The following CDPF1 variants were observed in gnomAD, a reference collection of about 807,000 sequenced individuals.
The protein encoded by CDPF1 is cysteine-rich DPF motif domain-containing protein 1.
Under a neutral mutation model 8.3 loss-of-function variants are expected in CDPF1, and 8 were observed. That is an observed-to-expected ratio of 0.96 (90% CI 0.57 to 1.74). The LOEUF is 1.74. Among genes scored for constraint, CDPF1 ranks in the 40% most tolerant of loss-of-function variants. The pLI, the probability that CDPF1 is intolerant of heterozygous loss-of-function variation, is 0.00. For missense variants in CDPF1, 151 were observed against 155.3 expected (o/e 0.97, Z 0.15); for synonymous variants, 62 against 62.9 (o/e 0.99, Z 0.07).
Position 46,246,557 on chromosome 22 carries a change from G to A in CDPF1, c.225+553C>T. The A allele has an allele frequency of 1.5e-6, 2 of 1,295,534 alleles. No homozygotes were observed. Among genetic ancestry groups the A allele is most frequent in the South Asian group, 1.5e-5 (1 of 67,516 alleles). 80.3% of individuals were successfully genotyped at this position (1,295,534 alleles called of 1,614,324 possible). ...CTGGGCACGCTGTGAAAGCCATGCT[G>A]CTCCACTTCCATCCGTCCTTGGGTT... On this transcript the variant is annotated intron_variant, in intron 3 of 3. Transcript: ENST00000314567. This position sits in a 1 kb window ranked among gnomAD's most constrained non-coding sequence, Gnocchi z 7.1.
rs1278572272 is a variant in CDPF1, at chr22:46,249,505, C to T, written c.-1+751G>A. Among the ~76,000 whole-genome samples, 5 of 152,046 alleles carry T rather than the reference C, an allele frequency of 3.3e-5. No homozygotes were observed. Among genetic ancestry groups the T allele is most frequent in the Non-Finnish European group, 4.4e-5 (3 of 68,014 alleles). ...CTCTACTAAAAGTACAAAAATTAGC[C>T]GAGCATAGTGGCGGGTGCCTGTAAT... On this transcript the variant is annotated intron_variant, in intron 1 of 3. Transcript: ENST00000314567. This position sits in a 1 kb window ranked among gnomAD's most constrained non-coding sequence, Gnocchi z 4.6.
rs1440410140 is a variant in CDPF1 at position 46,244,611 on chromosome 22, C to A, written c.*481G>T. ...CACATAAGGATATGAAATAAAAATT[C>A]TATCCCCCTCTAGACCTTCCAGACT... On this transcript the variant is annotated 3_prime_UTR_variant, in exon 4 of 4. Coordinates refer to ENST00000314567, the MANE Select transcript of CDPF1 (RefSeq NM_207327.5). The surrounding 1 kb of genome is among the most constrained non-coding windows in gnomAD (Gnocchi z 6.7). 6.4e-6 allele frequency: 1 copy of A among 155,586 alleles called. No homozygotes were observed. Among genetic ancestry groups the A allele is most frequent in the Admixed American group, 6.3e-5 (1 of 15,910 alleles). The allele number at this position is 155,586 out of a possible 1,614,324, so 9.6% of individuals were successfully genotyped here.
Position 46,249,833 on chromosome 22 carries a change from C to A in CDPF1, c.-1+423G>T, listed in dbSNP as rs1936550132. ...TCGCGCCACTGCATTCCAGCCTGGGCGACAGAGCGAGACTCTGTCTCAAAA... is the reference window on the plus strand; with the variant it reads ...TCGCGCCACTGCATTCCAGCCTGGGAGACAGAGCGAGACTCTGTCTCAAAA... On this transcript the variant is annotated intron_variant, in intron 1 of 3. Transcript: ENST00000314567. This position sits in a 1 kb window ranked among gnomAD's most constrained non-coding sequence, Gnocchi z 4.6. Among the ~76,000 whole-genome samples, 1 of 152,058 alleles carries A rather than the reference C, an allele frequency of 6.6e-6. No individual in the cohort carries two copies. The highest frequency in any genetic ancestry group is 2.1e-4 in the South Asian group (1 of 4,828).
At chr22:46,250,035 C>T (rs1319157406) in intron 1 of CDPF1, among the ~76,000 whole-genome samples, 1 of 152,222 alleles carries the variant, frequency 6.6e-6, no homozygotes, top group Non-Finnish European at 1.5e-5. Flanking sequence ...TCTCTCGCCC[C>T]AGCGCTGCCC....
In CDPF1 at chr22:46,245,433, C is replaced by T. The variant is rs1936474427; in HGVS notation, c.226-195G>A. On this transcript the variant is annotated intron_variant, in intron 3 of 3. Transcript: ENST00000314567. The surrounding 1 kb of genome is among the most constrained non-coding windows in gnomAD (Gnocchi z 6.9). The stretch of plus-strand genomic sequence containing the variant: ...CCTGGCAGGGTGTCCAGGAGAAAAG[C>T]AATGCAGGCCTGGGCTACCCTGGGT... 6.6e-6 allele frequency among the ~76,000 whole-genome samples: 1 copy of T among 152,028 alleles called. No homozygotes were observed. The highest frequency in any genetic ancestry group is 1.5e-5 in the Non-Finnish European group (1 of 67,978).
rs982909507 is a variant in CDPF1 at position 46,249,657 on chromosome 22, A to T, written c.-1+599T>A. Among the ~76,000 whole-genome samples the T allele has an allele frequency of 2.2e-4, 34 of 152,104 alleles. No homozygotes were observed. The highest frequency in any genetic ancestry group is 6.7e-4 in the African/African-American group (28 of 41,506). ...GGGCGAGACTCCTTCTCAAAAAAAT[A>T]AAAATTAAAATTAAATAAAATAAAA... On this transcript the variant is annotated intron_variant, in intron 1 of 3. Transcript: ENST00000314567. This position sits in a 1 kb window ranked among gnomAD's most constrained non-coding sequence, Gnocchi z 4.6.
rs1294618178 is a variant in CDPF1, at chr22:46,249,207, G to A, written c.1-923C>T. ...CTTCTTTGACTATGGAATCAAGTAC[G>A]ACATTATCAGCTGGCCCCTAGCTCT... On this transcript the variant is annotated intron_variant, in intron 1 of 3. Coordinates refer to ENST00000314567, the MANE Select transcript of CDPF1 (RefSeq NM_207327.5). The surrounding 1 kb of genome is among the most constrained non-coding windows in gnomAD (Gnocchi z 4.6). Among the ~76,000 whole-genome samples, 4 of 152,068 alleles carry A rather than the reference G, an allele frequency of 2.6e-5. No homozygotes were observed. The South Asian group carries it at 6.2e-4, about 24-fold the overall frequency.
Position 46,246,287 on chromosome 22 carries a change from A to G in CDPF1, c.225+823T>C, listed in dbSNP as rs1936489134. Among the ~76,000 whole-genome samples, 1 of 151,588 alleles carries G rather than the reference A, an allele frequency of 6.6e-6. No individual in the cohort carries two copies. The highest frequency in any genetic ancestry group is 6.6e-5 in the Admixed American group (1 of 15,224). On this transcript the variant is annotated intron_variant, in intron 3 of 3. Transcript: ENST00000314567. The surrounding 1 kb of genome is among the most constrained non-coding windows in gnomAD (Gnocchi z 7.1). ...GCTCACGAAGAGCAGCCCAAGGCCA[A>G]GGTGTTGCATTCAAGACCTCCACCT...
Position 46,245,953 on chromosome 22 carries a change from CCA to C in CDPF1, c.226-717_226-716del, listed in dbSNP as rs1294192271. The stretch of plus-strand genomic sequence containing the variant: ...AAATATGATGGTGGGAGCTCCACAG[CCA>C]CAAGGGACCCAAATAGAGACTCTGC... On this transcript the variant is annotated intron_variant, in intron 3 of 3. Coordinates refer to ENST00000314567, the MANE Select transcript of CDPF1 (RefSeq NM_207327.5). This position sits in a 1 kb window ranked among gnomAD's most constrained non-coding sequence, Gnocchi z 6.9. Among the ~76,000 whole-genome samples, 1 of 152,186 alleles carries C rather than the reference CCA, an allele frequency of 6.6e-6. No individual in the cohort carries two copies. The highest frequency in any genetic ancestry group is 2.4e-5 in the African/African-American group (1 of 41,432).
At position 46,246,863 on chromosome 22, in the gene CDPF1, G is replaced by A; in HGVS notation, c.225+247C>T. On this transcript the variant is annotated intron_variant, in intron 3 of 3. Coordinates refer to ENST00000314567, the MANE Select transcript of CDPF1 (RefSeq NM_207327.5). This position sits in a 1 kb window ranked among gnomAD's most constrained non-coding sequence, Gnocchi z 7.1. ...CTGTCTGCACTGTTGGTGGGAAGGG[G>A]AGGAACCCTGAGGGGCCACTGGGGT... 6.5e-7 allele frequency: 1 copy of A among 1,532,726 alleles called. No individual in the cohort carries two copies. The highest frequency in any genetic ancestry group is 8.8e-7 in the Non-Finnish European group (1 of 1,137,342). 94.9% of individuals were successfully genotyped at this position (1,532,726 alleles called of 1,614,324 possible).
At position 46,246,812 on chromosome 22, in the gene CDPF1, C is replaced by A; in HGVS notation, c.225+298G>T. On this transcript the variant is annotated intron_variant, in intron 3 of 3. Coordinates refer to ENST00000314567, the MANE Select transcript of CDPF1 (RefSeq NM_207327.5). This position sits in a 1 kb window ranked among gnomAD's most constrained non-coding sequence, Gnocchi z 7.1. ...CAAGAACATCTAGAAAGTAAGTCAC[C>A]ATCCTGGTGAGAGGGCGCACAAGGA... 6.4e-7 allele frequency: 1 copy of A among 1,574,764 alleles called. No individual in the cohort carries two copies. The highest frequency in any genetic ancestry group is 2.3e-5 in the East Asian group (1 of 43,032).
chr22:46,246,766 C>A lies in CDPF1; in HGVS notation c.225+344G>T. ...CAACAAGTGCTCATGAAAGGACAGTCCCTTCTCCTGGAGATCCCTCCAAGA... is the reference window on the plus strand; with the variant it reads ...CAACAAGTGCTCATGAAAGGACAGTACCTTCTCCTGGAGATCCCTCCAAGA... On this transcript the variant is annotated intron_variant, in intron 3 of 3. Coordinates refer to ENST00000314567, the MANE Select transcript of CDPF1 (RefSeq NM_207327.5). The surrounding 1 kb of genome is among the most constrained non-coding windows in gnomAD (Gnocchi z 7.1). 6.2e-7 allele frequency: 1 copy of A among 1,601,186 alleles called. No homozygotes were observed. Among genetic ancestry groups the A allele is most frequent in the South Asian group, 1.1e-5 (1 of 88,612 alleles).
At position 46,246,706 on chromosome 22, in the gene CDPF1, C is replaced by A. The variant is rs562687702; in HGVS notation, c.225+404G>T. The A allele has an allele frequency of 1.2e-4, 194 of 1,595,252 alleles. 3 individuals carry two copies. In the South Asian group the frequency reaches 2.0e-3, roughly 16 times the overall value. ...GGGGCAGGACTGAATGAAGCCTCAG[C>A]AGTAAAACAGGTCCCAAGCACAGGA... On this transcript the variant is annotated intron_variant, in intron 3 of 3. Coordinates refer to ENST00000314567, the MANE Select transcript of CDPF1 (RefSeq NM_207327.5). This position sits in a 1 kb window ranked among gnomAD's most constrained non-coding sequence, Gnocchi z 7.1.
At position 46,245,627 on chromosome 22, in the gene CDPF1, G is replaced by A. The variant is rs1172500260; in HGVS notation, c.226-389C>T. The stretch of plus-strand genomic sequence containing the variant: ...GGCCACCTGGTGCTGGGAGCGGCAG[G>A]GGACAGGAAGGACAGCCCCACAGAC... On this transcript the variant is annotated intron_variant, in intron 3 of 3. Coordinates refer to ENST00000314567, the MANE Select transcript of CDPF1 (RefSeq NM_207327.5). This position sits in a 1 kb window ranked among gnomAD's most constrained non-coding sequence, Gnocchi z 6.9. Among the ~76,000 whole-genome samples the A allele has an allele frequency of 2.6e-5, 4 of 152,226 alleles. No homozygotes were observed. Among genetic ancestry groups the A allele is most frequent in the Admixed American group, 6.5e-5 (1 of 15,294 alleles).
Position 46,248,335 on chromosome 22 carries a change from T to C in CDPF1, c.1-51A>G. 8.4e-7 allele frequency: 1 copy of C among 1,194,820 alleles called. No homozygotes were observed. Among genetic ancestry groups the C allele is most frequent in the Non-Finnish European group, 1.2e-6 (1 of 812,174 alleles). 74.0% of individuals were successfully genotyped at this position (1,194,820 alleles called of 1,614,324 possible). A position where few individuals can be genotyped will look rare whatever the true frequency, so the allele number is the denominator to read the frequency against. On this transcript the variant is annotated intron_variant, in intron 1 of 3. Coordinates refer to ENST00000314567, the MANE Select transcript of CDPF1 (RefSeq NM_207327.5). This position sits in a 1 kb window ranked among gnomAD's most constrained non-coding sequence, Gnocchi z 4.1. ...CCTGGGTCACAGGCTTTCTCAGGAATCCTGCCCCTTTCCCAGCTATGAAGA... is the reference window on the plus strand; with the variant it reads ...CCTGGGTCACAGGCTTTCTCAGGAACCCTGCCCCTTTCCCAGCTATGAAGA...
At position 46,247,022 on chromosome 22, in the gene CDPF1, T is replaced by C; in HGVS notation, c.225+88A>G. 7.7e-7 allele frequency: 1 copy of C among 1,301,862 alleles called. No individual in the cohort carries two copies. Among genetic ancestry groups the C allele is most frequent in the Non-Finnish European group, 1.1e-6 (1 of 923,686 alleles). The allele number at this position is 1,301,862 out of a possible 1,614,324, so 80.6% of individuals were successfully genotyped here. On this transcript the variant is annotated intron_variant, in intron 3 of 3. Coordinates refer to ENST00000314567, the MANE Select transcript of CDPF1 (RefSeq NM_207327.5). The surrounding 1 kb of genome is among the most constrained non-coding windows in gnomAD (Gnocchi z 4.3). ...ATCTATAATGGGGTGAACCCGCTGC[T>C]CCCTCTCTCCCAGCCCTCCCTACCC...
chr22:46,246,891 G>C lies in CDPF1; in HGVS notation c.225+219C>G. On this transcript the variant is annotated intron_variant, in intron 3 of 3. Coordinates refer to ENST00000314567, the MANE Select transcript of CDPF1 (RefSeq NM_207327.5). This position sits in a 1 kb window ranked among gnomAD's most constrained non-coding sequence, Gnocchi z 7.1. ...GAACCCTGAGGGGCCACTGGGGTGGGTGCAGAGCCACCAATTACCTATTTC... is the reference window on the plus strand; with the variant it reads ...GAACCCTGAGGGGCCACTGGGGTGGCTGCAGAGCCACCAATTACCTATTTC... The C allele has an allele frequency of 6.7e-7, 1 of 1,487,692 alleles. No individual in the cohort carries two copies. The highest frequency in any genetic ancestry group is 9.0e-7 in the Non-Finnish European group (1 of 1,106,666). The allele number at this position is 1,487,692 out of a possible 1,614,324, so 92.2% of individuals were successfully genotyped here. A position where few individuals can be genotyped will look rare whatever the true frequency, so the allele number is the denominator to read the frequency against.
chr22:46,248,241 C>T lies in CDPF1; in HGVS notation c.44G>A (p.Cys15Tyr). Residue 15 changes from cysteine to tyrosine, a missense_variant, in exon 2 of 4, where the codon TGT becomes TAT. By Grantham distance (194) the Cys-to-Tyr change is radical (BLOSUM62 -2). Coordinates refer to ENST00000314567, the MANE Select transcript of CDPF1 (RefSeq NM_207327.5). The surrounding 1 kb of genome is among the most constrained non-coding windows in gnomAD (Gnocchi z 4.1). ...VECRPLGVFE[C>Y]ELCTLTAPYS... ...CGGAGCTGTCAAGGTACAGAGTTCA[C>T]ACTCAAACACTCCCAGAGGACGGCA... is the stretch of plus-strand genomic sequence containing the variant. 4 of 1,613,848 alleles carry T rather than the reference C, an allele frequency of 2.5e-6. No individual in the cohort carries two copies. The highest frequency in any genetic ancestry group is 3.4e-6 in the Non-Finnish European group (4 of 1,179,884).
At position 46,245,717 on chromosome 22, in the gene CDPF1, T is replaced by G. The variant is rs991488935; in HGVS notation, c.226-479A>C. Among the ~76,000 whole-genome samples the G allele has an allele frequency of 3.3e-5, 5 of 152,142 alleles. No individual in the cohort carries two copies. The highest frequency in any genetic ancestry group is 6.5e-5 in the Admixed American group (1 of 15,284). ...GCCAGAACCGTGCAGCCATGTCCGC[T>G]CTCCTCTCTCTTACACACTAGAACT... On this transcript the variant is annotated intron_variant, in intron 3 of 3. Coordinates refer to ENST00000314567, the MANE Select transcript of CDPF1 (RefSeq NM_207327.5). The surrounding 1 kb of genome is among the most constrained non-coding windows in gnomAD (Gnocchi z 6.9).
Sources: allele counts gnomAD v4.1 joint callset (sites outside exome capture counted in the v4.1 genomes callset), GRCh38; gene constraint gnomAD v4.1.1; non-coding constraint Gnocchi (gnomAD v3.1); transcripts MANE v1.5; gene names NCBI Gene and HGNC (gene_info 2026-07-23, HGNC 2026-07-21).